The following RWDD2B variants were observed in gnomAD, a reference collection of about 807,000 sequenced individuals.
RWDD2B encodes the protein RWD domain containing 2B, also known as RWD domain-containing protein 2B.
RWDD2B carries 36 observed loss-of-function variants against 33.6 expected under a neutral mutation model. The ratio of observed to expected loss-of-function variants is 1.07; its 90% CI spans 0.82 to 1.42. RWDD2B has a LOEUF of 1.42. Ranked by LOEUF, RWDD2B falls within the 40% of genes most tolerant of loss-of-function variation. RWDD2B has a pLI of 0.00. For missense variants in RWDD2B, 364 were observed against 377.5 expected (o/e 0.96, Z 0.30); for synonymous variants, 126 against 133.1 (o/e 0.95, Z 0.37).
intron 4 of RWDD2B, 53 bp downstream of exon 4, chr21:29,007,708 T>C (rs2084835217): frequency 1.3e-6 from 2 of 1,556,844 alleles, no homozygotes; most frequent in Admixed American, 3.6e-5. Context: ...GACTGTATCT[T>C]GTTTAGTATT....
At chr21:29,008,781 T>C (rs2084842753) in intron 1 of RWDD2B, among the ~76,000 whole-genome samples, 160 bp from the exon 2 acceptor site, 1 of 152,216 alleles carries the variant, frequency 6.6e-6, no homozygotes, top group African/African-American at 2.4e-5. Context: ...TATAATATGC[T>C]AAGTCCTATG....
At chr21:29,012,951 T>C (rs1334982663) in intron 1 of RWDD2B, among the ~76,000 whole-genome samples, 2 of 152,204 alleles carry the variant, frequency 1.3e-5, no homozygotes, top group Non-Finnish European at 2.9e-5. Flanking sequence ...GAAATGTTTC[T>C]TTCAACATAT....
Position 29,019,324 on chromosome 21 carries a change from A to C in RWDD2B, c.-47T>G. 1 of 1,412,874 alleles carries C rather than the reference A, an allele frequency of 7.1e-7. No individual in the cohort carries two copies. Among genetic ancestry groups the C allele is most frequent in the Non-Finnish European group, 9.8e-7 (1 of 1,024,904 alleles). The allele number at this position is 1,412,874 out of a possible 1,614,324, so 87.5% of individuals were successfully genotyped here. On this transcript the variant is annotated 5_prime_UTR_variant, in exon 1 of 5. Transcript: ENST00000493196. ...TAGCATACTGCGACCCAAAACTTAC[A>C]AACCGCCTCAGCTGGCGACCTACCG...
At chr21:29,009,901 TTCC>T (rs1247391571) in intron 1 of RWDD2B, among the ~76,000 whole-genome samples, 2 of 152,208 alleles carry the variant, frequency 1.3e-5, no homozygotes, top group African/African-American at 2.4e-5. Context: ...TATATACTTT[TTCC>T]TCCTATTTCC....
intron 1 of RWDD2B, among the ~76,000 whole-genome samples, chr21:29,011,877 G>A (rs1280653107): frequency 2.3e-4 from 27 of 115,954 alleles, no homozygotes; most frequent in South Asian, 3.0e-4. Flanking sequence ...CAGCCGCCCC[G>A]TCCGGGAGGG....
Position 29,019,261 on chromosome 21 carries a change from G to A in RWDD2B, c.17C>T (p.Ser6Phe). 6.2e-7 allele frequency: 1 copy of A among 1,605,388 alleles called. No individual in the cohort carries two copies. The highest frequency in any genetic ancestry group is 8.5e-7 in the Non-Finnish European group (1 of 1,176,586). Residue 6 changes from serine to phenylalanine, a missense_variant, in exon 1 of 5, where the codon TCC becomes TTC. Coordinates refer to ENST00000493196, the MANE Select transcript of RWDD2B (RefSeq NM_016940.3). Reference sequence around the variant, plus strand: ...GTAACCCGGGTTCCATGGCTGCATGGACAGCTCAATTTTCATCAGAAGGGA... The same window carrying A: ...GTAACCCGGGTTCCATGGCTGCATGAACAGCTCAATTTTCATCAGAAGGGA... The part of the protein sequence containing the change: MKIEL[S>F]MQPWNPGYSS...
At chr21:29,011,977 C>G (rs1220381994) in intron 1 of RWDD2B, among the ~76,000 whole-genome samples, 2 of 129,108 alleles carry the variant, frequency 1.5e-5, no homozygotes. Flanking sequence ...GCCGCGCCGT[C>G]CGGGAGGGAG....
Position 29,019,230 on chromosome 21 carries a change from A to T in RWDD2B, c.48T>A (p.Ser16Arg). Reference protein sequence around the residue: ...SMQPWNPGYSSEGATAQETYT... With the variant: ...SMQPWNPGYSREGATAQETYT... ...ACTCACCTTGAGCCGTGGCCCCCTCACTGCTGTAACCCGGGTTCCATGGCT... is the reference window on the plus strand; with the variant it reads ...ACTCACCTTGAGCCGTGGCCCCCTCTCTGCTGTAACCCGGGTTCCATGGCT... The change falls in exon 1 of 5, where the codon AGT becomes AGA. Residue 16 changes from serine (S) to arginine (R), a missense_variant. Physicochemically the swap from Ser to Arg is moderately radical, Grantham distance 110. Coordinates refer to ENST00000493196, the MANE Select transcript of RWDD2B (RefSeq NM_016940.3). 1 of 1,604,406 alleles carries T rather than the reference A, an allele frequency of 6.2e-7. No homozygotes were observed. The highest frequency in any genetic ancestry group is 8.5e-7 in the Non-Finnish European group (1 of 1,176,364).
intron 1 of RWDD2B, 152 bp downstream of exon 1, chr21:29,019,059 C>A (rs1254356035): frequency 3.1e-6 from 2 of 639,956 alleles, no homozygotes; most frequent in Non-Finnish European, 5.3e-6. Context: ...AGCCGGGAAG[C>A]AACGCCGAGG....
intron 1 of RWDD2B, among the ~76,000 whole-genome samples, chr21:29,014,021 T>C (rs1389592555): frequency 1.3e-5 from 2 of 152,210 alleles, no homozygotes; most frequent in African/African-American, 4.8e-5. Context: ...GTTATATTAG[T>C]TCATTTTCTG....
rs763649531 is a variant in RWDD2B, at chr21:29,008,604, T to G, written c.85A>C (p.Lys29Gln). Residue 29 changes from lysine to glutamine, a missense_variant, in exon 2 of 5, where the codon AAA becomes CAA. Coordinates refer to ENST00000493196, the MANE Select transcript of RWDD2B (RefSeq NM_016940.3). ...TCCGCCTGCTCCATCTCAATCATTT[T>G]TGGACATGTGTAAGTTTCTAAGGAG... ...ATAQETYTCP[K>Q]MIEMEQAEAQ... The G allele has an allele frequency of 6.2e-7, 1 of 1,612,988 alleles. No homozygotes were observed. The highest frequency in any genetic ancestry group is 2.2e-5 in the East Asian group (1 of 44,906).
chr21:29,010,803 G>A (rs1413799543), intron 1 of RWDD2B, among the ~76,000 whole-genome samples: 2 of 150,584 alleles, frequency 1.3e-5, no homozygotes, highest in Non-Finnish European at 2.9e-5. Context: ...GAGTGCCTGC[G>A]ATTGCAGGCG....
Position 29,006,660 on chromosome 21 carries a change from A to T in RWDD2B, c.726-9T>A. 1 of 1,520,234 alleles carries T rather than the reference A, an allele frequency of 6.6e-7. No individual in the cohort carries two copies. The highest frequency in any genetic ancestry group is 9.1e-7 in the Non-Finnish European group (1 of 1,104,312). 94.2% of individuals were successfully genotyped at this position (1,520,234 alleles called of 1,614,324 possible). A position where few individuals can be genotyped will look rare whatever the true frequency, so the allele number is the denominator to read the frequency against. On this transcript the variant is annotated splice_polypyrimidine_tract_variant and intron_variant, in intron 4 of 4. Coordinates refer to ENST00000493196, the MANE Select transcript of RWDD2B (RefSeq NM_016940.3). The stretch of plus-strand genomic sequence containing the variant: ...AGTTTAATTTTCTGAGTCTGAAAAG[A>T]AATTTCCAAAGTAAACATTTTCAAA...
intron 1 of RWDD2B, among the ~76,000 whole-genome samples, chr21:29,011,716 A>G (rs1182353213): frequency 2.9e-5 from 3 of 102,148 alleles, no homozygotes. Flanking sequence ...CCCTACTGGG[A>G]AGTGAGGAGC....
chr21:29,010,744 T>C (rs2084853557), intron 1 of RWDD2B, among the ~76,000 whole-genome samples: 1 of 151,632 alleles, frequency 6.6e-6, no homozygotes, highest in South Asian at 2.1e-4. Context: ...ACTGCTGCCA[T>C]CTCGGCTCAC....
chr21:29,015,869 C>T lies in RWDD2B; in HGVS notation c.67+3342G>A, dbSNP rs982568033. Among the ~76,000 whole-genome samples, 13 of 152,216 alleles carry T rather than the reference C, an allele frequency of 8.5e-5. No individual in the cohort carries two copies. The South Asian group carries it at 2.7e-3, about 32-fold the overall frequency. On this transcript the variant is annotated intron_variant, in intron 1 of 4. Transcript: ENST00000493196. ...GTATTTATCCTAGACAAAAGCAATC[C>T]TAATTAGGCGAGAGACTATATGGGC...
Position 29,006,318 on chromosome 21 carries a change from G to A in RWDD2B, c.*99C>T. The A allele has an allele frequency of 1.3e-6, 1 of 740,966 alleles. No homozygotes were observed. The highest frequency in any genetic ancestry group is 2.2e-6 in the Non-Finnish European group (1 of 458,188). 45.9% of individuals were successfully genotyped at this position (740,966 alleles called of 1,614,324 possible). A position where few individuals can be genotyped will look rare whatever the true frequency, so the allele number is the denominator to read the frequency against. On this transcript the variant is annotated 3_prime_UTR_variant, in exon 5 of 5. Transcript: ENST00000493196. The stretch of plus-strand genomic sequence containing the variant: ...TTGTGCCCCACTCCCCAACATTCTA[G>A]AATGGAACTAAAATAAAATTACTTA...
intron 1 of RWDD2B, among the ~76,000 whole-genome samples, chr21:29,011,538 G>C (rs913217273): frequency 9.3e-6 from 1 of 107,308 alleles, no homozygotes; most frequent in Non-Finnish European, 1.9e-5. Flanking sequence ...AAGGGAGGTG[G>C]GGGGGGGTCA....
At chr21:29,008,760 C>T (rs2084842661) in intron 1 of RWDD2B, 139 bp from the exon 2 acceptor site, 1 of 636,978 alleles carries the variant, frequency 1.6e-6, no homozygotes, top group Non-Finnish European at 2.7e-6. Context: ...CCCTATTACT[C>T]TACTTTCAGA....
Sources: allele counts gnomAD v4.1 joint callset (sites outside exome capture counted in the v4.1 genomes callset), GRCh38; gene constraint gnomAD v4.1.1; transcripts MANE v1.5; gene names NCBI Gene and HGNC (gene_info 2026-07-23, HGNC 2026-07-21).